MEPE: variants seen among roughly 807,000 people sequenced by gnomAD.
The protein encoded by MEPE is matrix extracellular phosphoglycoprotein.
Under a neutral mutation model 7.3 loss-of-function variants are expected in MEPE, and 7 were observed. That is an observed-to-expected ratio of 0.95 (90% CI 0.54 to 1.79). The LOEUF (loss-of-function observed/expected upper bound fraction) is 1.79. MEPE is among the 40% of genes most tolerant of loss of function. MEPE has a pLI of 0.00. For synonymous variants in MEPE, 214 were observed against 213.1 expected (o/e 1.00, Z -0.04); for missense variants, 623 against 628.2 (o/e 0.99, Z 0.09).
intron 2 of MEPE, among the ~76,000 whole-genome samples, chr4:87,836,956 T>C (rs564168371): frequency 3.9e-5 from 6 of 152,328 alleles, no homozygotes; most frequent in African/African-American, 1.2e-4. Flanking sequence ...ACTATTGTTA[T>C]TTTCTAGAAT....
At chr4:87,837,546 G>C (rs187413250) in intron 2 of MEPE, 1 of 152,220 alleles carries the variant, frequency 6.6e-6, no homozygotes, top group South Asian at 2.1e-4. Flanking sequence ...GAAGCTTAAG[G>C]CTTCTTCAGG....
upstream of MEPE, among the ~76,000 whole-genome samples, chr4:87,830,066 C>T (rs556912587): frequency 3.3e-5 from 5 of 152,212 alleles, no homozygotes; most frequent in African/African-American, 7.2e-5. Context: ...TTCAATATTT[C>T]CACTGTCAAT....
intron 3 of MEPE, among the ~76,000 whole-genome samples, chr4:87,841,315 A>G (rs1223265447): frequency 6.6e-6 from 1 of 152,156 alleles, no homozygotes; most frequent in African/African-American, 2.4e-5. Context: ...TCCAAGTAAA[A>G]CTTTCCAGGA....
chr4:87,832,203 T>G (rs1426236455), upstream of MEPE, among the ~76,000 whole-genome samples: 6 of 152,122 alleles, frequency 3.9e-5, no homozygotes. Flanking sequence ...CCTTCATGAC[T>G]TAATCACCTT....
chr4:87,824,716 T>C lies in MEPE; in HGVS notation c.-13+3245T>C, dbSNP rs571053069. On this transcript the variant is annotated intron_variant, in intron 1 of 3. Transcript: ENST00000424957. ...TGTATCTTTTTCTCTTTTCTTTGTGTTTTTTTTGTTTGTTTGTTTTCAATT... is the reference window on the plus strand; with the variant it reads ...TGTATCTTTTTCTCTTTTCTTTGTGCTTTTTTTGTTTGTTTGTTTTCAATT... Among the ~76,000 whole-genome samples the C allele has an allele frequency of 7.0e-4, 106 of 151,776 alleles. 1 individual carries two copies. Among genetic ancestry groups the C allele is most frequent in the South Asian group, 1.1e-3 (5 of 4,698 alleles).
chr4:87,834,764 C>T lies in MEPE; in HGVS notation c.50C>T (p.Ala17Val). 6.2e-7 allele frequency: 1 copy of T among 1,610,646 alleles called. No individual in the cohort carries two copies. Among genetic ancestry groups the T allele is most frequent in the Admixed American group, 1.7e-5 (1 of 59,174 alleles). ...GLLLFSVTWAAPTFQPQTEKT... is the reference protein window; with the variant it reads ...GLLLFSVTWAVPTFQPQTEKT... ...CTCCTTTTCAGTGTGACCTGGGCAGCACCAGTAAGTATTTACAAATTCAAT... is the reference window on the plus strand; with the variant it reads ...CTCCTTTTCAGTGTGACCTGGGCAGTACCAGTAAGTATTTACAAATTCAAT... The change falls in exon 2 of 4, where the codon GCA (alanine) becomes GTA (valine). Residue 17 changes from alanine (A) to valine (V), a missense_variant. By Grantham distance (64) the Ala-to-Val change is moderately conservative. Transcript: ENST00000361056.
rs115322331 is a variant in MEPE, at chr4:87,845,484, A to C, written c.616A>C (p.Ser206Arg). 2.3e-4 allele frequency: 369 copies of C among 1,613,706 alleles called. No individual in the cohort carries two copies. The highest frequency in any genetic ancestry group is 2.9e-4 in the Non-Finnish European group (340 of 1,179,954). ...KPQRDSQAQK[S>R]PVKSKSTHRI... ...TCAAAGAGATTCCCAAGCCCAGAAA[A>C]GTCCAGTAAAAAGCAAAAGCACCCA... Residue 206 changes from serine to arginine, a missense_variant, in exon 4 of 4, where the codon AGT (serine) becomes CGT (arginine). Physicochemically the swap from Ser to Arg is moderately radical, Grantham distance 110. Coordinates refer to ENST00000361056, the MANE Select transcript of MEPE (RefSeq NM_020203.6).
At chr4:87,836,733 A>T (rs943123364) in intron 2 of MEPE, among the ~76,000 whole-genome samples, 1 of 152,212 alleles carries the variant, frequency 6.6e-6, no homozygotes, top group African/African-American at 2.4e-5. Context: ...TCATTCAAAA[A>T]TTTATTATTT....
At position 87,834,312 on chromosome 4, in the gene MEPE, G is replaced by A. The variant is rs73840157; in HGVS notation, c.-12-391G>A. ...GCAATCTGCTACCCTGACAAACTTA[G>A]AGTGTGTTATGAGCTGCTACATCAA... is the stretch of plus-strand genomic sequence containing the variant. On this transcript the variant is annotated intron_variant, in intron 1 of 3. Transcript: ENST00000361056. Among the ~76,000 whole-genome samples, 1,511 of 152,260 alleles carry A rather than the reference G, an allele frequency of 9.9e-3. 24 individuals are homozygous for A. Among genetic ancestry groups the A allele is most frequent in the African/African-American group, 0.034 (1,408 of 41,560 alleles).
At chr4:87,831,625 A>G (rs115859497), upstream of MEPE, among the ~76,000 whole-genome samples, 4,020 of 152,060 alleles carry the variant, frequency 0.026, 78 homozygotes, top group South Asian at 0.059. Flanking sequence ...TCACTCCTCA[A>G]TCATGCCTGT....
At position 87,834,685 on chromosome 4, in the gene MEPE, A is replaced by G. The variant is rs1234002078; in HGVS notation, c.-12-18A>G. The G allele has an allele frequency of 6.2e-7, 1 of 1,603,764 alleles. No homozygotes were observed. Among genetic ancestry groups the G allele is most frequent in the Non-Finnish European group, 8.5e-7 (1 of 1,172,952 alleles). On this transcript the variant is annotated intron_variant, in intron 1 of 3. Coordinates refer to ENST00000361056, the MANE Select transcript of MEPE (RefSeq NM_020203.6). ...AACTGGCAATGCTTTGTGGTAAGAT[A>G]TTGTTGTCTTTTTACAGAGATTCTC...
chr4:87,829,089 G>A (rs1043895505), upstream of MEPE, among the ~76,000 whole-genome samples: 5 of 152,080 alleles, frequency 3.3e-5, no homozygotes, highest in Admixed American at 6.6e-5. Context: ...TCAACACAGA[G>A]GGCAAGTTTT....
chr4:87,843,896 G>T (rs949500050), intron 3 of MEPE, among the ~76,000 whole-genome samples: 2 of 152,158 alleles, frequency 1.3e-5, no homozygotes, highest in African/African-American at 2.4e-5. Context: ...GGAATCTTCA[G>T]ACATGCATGG....
At chr4:87,828,979 G>C (rs1483187758), upstream of MEPE, among the ~76,000 whole-genome samples, 1 of 152,032 alleles carries the variant, frequency 6.6e-6, no homozygotes, top group African/African-American at 2.4e-5. Flanking sequence ...CAGACTCCTG[G>C]TTTTAACTTC....
At chr4:87,835,906 T>C (rs1440498115) in intron 2 of MEPE, among the ~76,000 whole-genome samples, 2 of 152,112 alleles carry the variant, frequency 1.3e-5, no homozygotes, top group Non-Finnish European at 2.9e-5. Flanking sequence ...TTCCAGTAAA[T>C]GTGCTATGTC....
chr4:87,821,541 A>G (rs1191856863), intron 1 of MEPE: 5 of 152,362 alleles, frequency 3.3e-5, no homozygotes, highest in African/African-American at 1.2e-4. Context: ...TATAGTTTGA[A>G]TTTAGTCTTT....
At chr4:87,837,509 C>A (rs1722844489) in intron 2 of MEPE, 1 of 152,246 alleles carries the variant, frequency 6.6e-6, no homozygotes, top group Non-Finnish European at 1.5e-5. Context: ...GTGCAAGCAA[C>A]AACCTGTCTG....
chr4:87,845,055 A>C lies in MEPE; in HGVS notation c.187A>C (p.Asn63His). The change falls in exon 4 of 4, where the codon AAT becomes CAT. Residue 63 changes from asparagine (N) to histidine (H), a missense_variant. Physicochemically the swap from Asn to His is moderately conservative, Grantham distance 68. Coordinates refer to ENST00000361056, the MANE Select transcript of MEPE (RefSeq NM_020203.6). ...AAATCAAGAGCTATCATCTAAAGAA[A>C]ATATTGTCCAGGAAAGAAAGAAAGA... is the stretch of plus-strand genomic sequence containing the variant. ...RINQELSSKE[N>H]IVQERKKDLS... 1.2e-6 allele frequency: 2 copies of C among 1,612,844 alleles called. No homozygotes were observed. The highest frequency in any genetic ancestry group is 1.1e-5 in the South Asian group (1 of 90,678).
chr4:87,837,473 C>A (rs1220795994), intron 2 of MEPE, among the ~76,000 whole-genome samples: 1 of 152,190 alleles, frequency 6.6e-6, no homozygotes, highest in Non-Finnish European at 1.5e-5. Context: ...GAGCTGAGAG[C>A]AAGCAGGGGC....
Sources: allele counts gnomAD v4.1 joint callset (sites outside exome capture counted in the v4.1 genomes callset), GRCh38; gene constraint gnomAD v4.1.1; transcripts MANE v1.5; gene names NCBI Gene and HGNC (gene_info 2026-07-23, HGNC 2026-07-21).